CCDC18: variants seen among roughly 807,000 people sequenced by gnomAD.
The protein encoded by CCDC18 is coiled-coil domain-containing protein 18.
In CCDC18, 157 loss-of-function variants were observed where a neutral mutation model predicts 196.0. The observed-to-expected ratio is 0.80, with a 90% CI of 0.70 to 0.91. CCDC18 has a LOEUF of 0.91. CCDC18 is among the 40% of genes least tolerant of loss of function. The pLI is 0.00. For synonymous variants in CCDC18, 482 were observed against 529.2 expected, an observed-to-expected ratio of 0.91 and a Z score of 1.22; for missense variants, 1,465 against 1,611.6, an observed-to-expected ratio of 0.91 and a Z score of 1.56.
chr1:93,220,584 G>A (rs1657259474), intron 14 of CCDC18, among the ~76,000 whole-genome samples: 1 of 152,156 alleles, frequency 6.6e-6, no homozygotes, highest in Non-Finnish European at 1.5e-5. Flanking sequence ...AGGGGGAGGG[G>A]TAAAGGGGTC....
At chr1:93,240,595 G>C (rs1660633362) in intron 21 of CCDC18, among the ~76,000 whole-genome samples, 1 of 152,168 alleles carries the variant, frequency 6.6e-6, no homozygotes, top group African/African-American at 2.4e-5. Flanking sequence ...CAGAAACTTA[G>C]ATACTGTACC....
At chr1:93,192,235 T>G (rs1651940786) in intron 5 of CCDC18, 129 bp downstream of exon 5, 1 of 643,812 alleles carries the variant, frequency 1.6e-6, no homozygotes, top group Admixed American at 2.9e-5. Flanking sequence ...GTCTTAGAAC[T>G]TGTTGAATCT....
At chr1:93,277,647 G>A (rs937149624) in intron 28 of CCDC18, among the ~76,000 whole-genome samples, 1 of 146,902 alleles carries the variant, frequency 6.8e-6, no homozygotes, top group Admixed American at 6.8e-5. Context: ...AGAATCTCAA[G>A]GCAGAAGAAT....
At chr1:93,198,210 G>A (rs1005043290) in intron 6 of CCDC18, among the ~76,000 whole-genome samples, 13 of 152,186 alleles carry the variant, frequency 8.5e-5, no homozygotes, top group African/African-American at 3.1e-4. Flanking sequence ...AAGAATGTTA[G>A]AGTAATTTTA....
intron 2 of CCDC18, 46 bp downstream of exon 2, chr1:93,183,541 A>T (rs781375903): frequency 1.5e-6 from 2 of 1,342,196 alleles, no homozygotes; most frequent in Non-Finnish European, 1.0e-6. Context: ...CCTTAAATAC[A>T]TCAATGTAAA....
chr1:93,219,960 TTCAGAG>T (rs888234876), intron 14 of CCDC18, among the ~76,000 whole-genome samples: 46 of 152,290 alleles, frequency 3.0e-4, no homozygotes, highest in African/African-American at 1.1e-3. Context: ...TATTCTTGTC[TTCAGAG>T]TCAAAGGAGA....
chr1:93,270,310 T>C, intron 27 of CCDC18, 37 bp from the exon 28 acceptor site: 1 of 1,207,798 alleles, frequency 8.3e-7, no homozygotes, highest in East Asian at 2.6e-5. Flanking sequence ...TTAACAAAAA[T>C]GTATTGAGCA....
chr1:93,242,616 C>G (rs1329050599), intron 21 of CCDC18, among the ~76,000 whole-genome samples: 1 of 152,194 alleles, frequency 6.6e-6, no homozygotes, highest in Non-Finnish European at 1.5e-5. Flanking sequence ...AGCAGTAACT[C>G]AAAAGTCCAC....
chr1:93,193,352 C>T (rs1384534195), intron 5 of CCDC18, among the ~76,000 whole-genome samples: 4 of 152,082 alleles, frequency 2.6e-5, no homozygotes, highest in Non-Finnish European at 5.9e-5. Flanking sequence ...CTGAACTATA[C>T]AGGAATGCTT....
At chr1:93,206,322 T>G (rs535080400) in intron 8 of CCDC18, among the ~76,000 whole-genome samples, 17 of 152,130 alleles carry the variant, frequency 1.1e-4, no homozygotes, top group Non-Finnish European at 2.5e-4. Context: ...TTAGAATCGG[T>G]TATCGATTGC....
At chr1:93,206,821 T>C (rs1350478117) in intron 8 of CCDC18, among the ~76,000 whole-genome samples, 1 of 152,142 alleles carries the variant, frequency 6.6e-6, no homozygotes, top group Non-Finnish European at 1.5e-5. Flanking sequence ...CAGAAATGCT[T>C]TTAAGACAGT....
chr1:93,222,647 AG>A (rs1156430360), intron 16 of CCDC18, among the ~76,000 whole-genome samples: 5 of 152,320 alleles, frequency 3.3e-5, no homozygotes, highest in Middle Eastern at 3.4e-3. Context: ...AACCTTAGCC[AG>A]GTTATTTAAC....
At chr1:93,250,038 CTTA>C (rs1345010532) in intron 23 of CCDC18, among the ~76,000 whole-genome samples, 3 of 151,838 alleles carry the variant, frequency 2.0e-5, no homozygotes, top group African/African-American at 2.4e-5. Flanking sequence ...TAAAGTTCCT[CTTA>C]TTATTGATTT....
At chr1:93,253,144 C>A (rs1662487499) in intron 23 of CCDC18, among the ~76,000 whole-genome samples, 1 of 152,178 alleles carries the variant, frequency 6.6e-6, no homozygotes, top group African/African-American at 2.4e-5. Flanking sequence ...TAGAGGGGCA[C>A]ACATAGCCCA....
intron 21 of CCDC18, 71 bp downstream of exon 21, chr1:93,239,967 A>G (rs1404395422): frequency 1.9e-6 from 2 of 1,066,864 alleles, no homozygotes; most frequent in Non-Finnish European, 2.7e-6. Flanking sequence ...ATGTTGTTGC[A>G]TTCTAGACGT....
At position 93,271,983 on chromosome 1, in the gene CCDC18, T is replaced by C. The variant is rs369608955; in HGVS notation, c.4353+1169T>C. Among the ~76,000 whole-genome samples the C allele has an allele frequency of 1.2e-4, 19 of 152,238 alleles. 1 individual carries two copies. In the East Asian group the frequency reaches 1.3e-3, roughly 11 times the overall value. On this transcript the variant is annotated intron_variant, in intron 28 of 28. Coordinates refer to ENST00000690025, the MANE Select transcript of CCDC18 (RefSeq NM_001378204.1). ...CTCGTATTCCTTATGTTCCACAATA[T>C]AGGATTTAATCTGTAGTTTGAGAAT...
At chr1:93,243,854 G>A (rs1253398515) in intron 21 of CCDC18, among the ~76,000 whole-genome samples, 2 of 152,078 alleles carry the variant, frequency 1.3e-5, no homozygotes, top group Non-Finnish European at 2.9e-5. Flanking sequence ...CAGAATTTTG[G>A]TCAAAGCCAT....
At chr1:93,245,472 C>T (rs571833740) in intron 21 of CCDC18, among the ~76,000 whole-genome samples, 13 of 152,180 alleles carry the variant, frequency 8.5e-5, no homozygotes, top group Admixed American at 2.6e-4. Context: ...ACATTTTCAA[C>T]CTTTGTCTTA....
At chr1:93,239,497 T>A in intron 20 of CCDC18, 24 bp downstream of exon 20, 4 of 1,587,408 alleles carry the variant, frequency 2.5e-6, no homozygotes, top group Non-Finnish European at 3.4e-6. Flanking sequence ...TAGATGAGTA[T>A]AGCTGCCTAT....
Sources: gnomAD v4.1 joint callset for allele counts (sites outside exome capture counted in the v4.1 genomes callset) on GRCh38, gnomAD v4.1.1 for gene constraint, MANE v1.5 for transcripts, NCBI Gene and HGNC (gene_info 2026-07-23, HGNC 2026-07-21) for gene names.